Variants in PPP2R2C observed in about 807,000 individuals in gnomAD.
PPP2R2C encodes protein phosphatase 2 regulatory subunit Bgamma.
In PPP2R2C, 10 loss-of-function variants were observed where a neutral mutation model predicts 45.3. That is an observed-to-expected ratio of 0.22 (90% CI 0.14 to 0.37). The LOEUF (loss-of-function observed/expected upper bound fraction) is 0.37. Among genes scored for constraint, PPP2R2C ranks in the 10% least tolerant of loss-of-function variants. PPP2R2C has a pLI of 1.00. For missense variants in PPP2R2C, 308 were observed against 619.7 expected (o/e 0.50, Z 5.34); for synonymous variants, 257 against 245.4 (o/e 1.05, Z -0.44).
chr4:6,393,974 T>C (rs1235170976), intron 1 of PPP2R2C, among the ~76,000 whole-genome samples: 1 of 152,172 alleles, frequency 6.6e-6, no homozygotes, highest in African/African-American at 2.4e-5. Flanking sequence ...GCAGCTGGCC[T>C]TGGGACAGGG....
intron 1 of PPP2R2C, among the ~76,000 whole-genome samples, chr4:6,404,937 C>T (rs1415643180): frequency 6.6e-6 from 1 of 152,238 alleles, no homozygotes; most frequent in African/African-American, 2.4e-5. Context: ...CAAGGCACCG[C>T]ACCTCTGCCT....
rs1470011948 is a variant in PPP2R2C, at chr4:6,324,290, G to A, written c.1053-697C>T. Among the ~76,000 whole-genome samples the A allele has an allele frequency of 6.6e-6, 1 of 151,998 alleles. No homozygotes were observed. Among genetic ancestry groups the A allele is most frequent in the African/African-American group, 2.4e-5 (1 of 41,372 alleles). ...CTACTAAAAATACAAAAATTAGCTG[G>A]ACATGGTGGTGGGCACCTGTAATCC... On this transcript the variant is annotated intron_variant, in intron 8 of 8. Coordinates refer to ENST00000382599, the MANE Select transcript of PPP2R2C (RefSeq NM_020416.4). The surrounding 1 kb of genome is among the most constrained non-coding windows in gnomAD (Gnocchi z 4.1).
intron 1 of PPP2R2C, among the ~76,000 whole-genome samples, chr4:6,556,383 A>T (rs557747460): frequency 6.6e-6 from 1 of 152,264 alleles, no homozygotes; most frequent in African/African-American, 2.4e-5. Context: ...ATTGGCACTC[A>T]CACCATCGCA....
At chr4:6,376,027 TGGGGA>T in intron 3 of PPP2R2C, 96 bp from the exon 4 acceptor site, 7 of 1,044,372 alleles carry the variant, frequency 6.7e-6, no homozygotes, top group South Asian at 1.5e-5. Flanking sequence ...AGGCACCTCC[TGGGGA>T]AGGAGGGGGT....
At position 6,472,511 on chromosome 4, in the gene PPP2R2C, C is replaced by G. The variant is rs2108771620; in HGVS notation, c.-282G>C. The G allele has an allele frequency of 6.1e-6, 1 of 163,132 alleles. No individual in the cohort carries two copies. Among genetic ancestry groups the G allele is most frequent in the South Asian group, 1.9e-4 (1 of 5,144 alleles). The allele number at this position is 163,132 out of a possible 1,614,324, so 10.1% of individuals were successfully genotyped here. A position where few individuals can be genotyped will look rare whatever the true frequency, so the allele number is the denominator to read the frequency against. ...GGCCCGTGCGCGCTGCGTCCGTGCGCCCGGCGGCGGGGCCTGGTGCCGGTG... is the reference window on the plus strand; with the variant it reads ...GGCCCGTGCGCGCTGCGTCCGTGCGGCCGGCGGCGGGGCCTGGTGCCGGTG... On this transcript the variant is annotated 5_prime_UTR_variant, in exon 1 of 9. Transcript: ENST00000382599.
intron 2 of PPP2R2C, among the ~76,000 whole-genome samples, chr4:6,514,952 C>T (rs1289855405): frequency 6.6e-6 from 1 of 152,074 alleles, no homozygotes; most frequent in Non-Finnish European, 1.5e-5. Context: ...GTGGCCTTCT[C>T]CTGGTATGAC....
chr4:6,487,614 C>G (rs1340147733), intron 2 of PPP2R2C, among the ~76,000 whole-genome samples: 1 of 152,118 alleles, frequency 6.6e-6, no homozygotes, highest in African/African-American at 2.4e-5. Context: ...TTTCCCCACC[C>G]CACGCCTTTC....
intron 6 of PPP2R2C, among the ~76,000 whole-genome samples, chr4:6,346,918 G>A (rs974035345): frequency 6.6e-6 from 1 of 152,218 alleles, no homozygotes; most frequent in African/African-American, 2.4e-5. Flanking sequence ...GACAGACAGT[G>A]AGGGGAACCA....
chr4:6,349,223 C>A (rs1712303050), intron 5 of PPP2R2C: 1 of 985,324 alleles, frequency 1.0e-6, no homozygotes, highest in African/African-American at 1.7e-5. Flanking sequence ...TGGGGCTTTG[C>A]ACGGTCTGTT....
chr4:6,511,004 A>AAAAAAAAAAC (rs1723428155), intron 2 of PPP2R2C, among the ~76,000 whole-genome samples: 2 of 150,084 alleles, frequency 1.3e-5, no homozygotes, highest in African/African-American at 5.0e-5. Flanking sequence ...CAAACAAAAA[A>AAAAAAAAAAC]AAAAACAGAA....
intron 1 of PPP2R2C, among the ~76,000 whole-genome samples, chr4:6,385,460 T>C (rs1470976860): frequency 6.6e-6 from 1 of 152,188 alleles, no homozygotes; most frequent in African/African-American, 2.4e-5. Flanking sequence ...CATCTTGGAT[T>C]ATCTGACATT....
chr4:6,553,700 CTGGGTCTGTCA>C (rs1189183207), intron 1 of PPP2R2C, among the ~76,000 whole-genome samples: 1 of 152,242 alleles, frequency 6.6e-6, no homozygotes, highest in Non-Finnish European at 1.5e-5. Context: ...CACCCATGAT[CTGGGTCTGTCA>C]TGCTCCCATC....
At chr4:6,526,450 G>T (rs992534130) in intron 2 of PPP2R2C, among the ~76,000 whole-genome samples, 1 of 152,224 alleles carries the variant, frequency 6.6e-6, no homozygotes, top group Non-Finnish European at 1.5e-5. Flanking sequence ...TTGGGGTGAT[G>T]AAAATGTTCT....
chr4:6,419,829 A>G (rs749196573), intron 1 of PPP2R2C, among the ~76,000 whole-genome samples: 3 of 151,364 alleles, frequency 2.0e-5, no homozygotes, highest in Non-Finnish European at 4.4e-5. Context: ...AATCACCCCA[A>G]TCTCTGCCTC....
chr4:6,366,359 G>A (rs1017756459), intron 5 of PPP2R2C, among the ~76,000 whole-genome samples: 2 of 152,144 alleles, frequency 1.3e-5, no homozygotes, highest in Non-Finnish European at 2.9e-5. Context: ...CAGGCGCCCA[G>A]ATCAAAAAGG....
chr4:6,506,088 A>C (rs1256494945), intron 2 of PPP2R2C, among the ~76,000 whole-genome samples: 1 of 152,224 alleles, frequency 6.6e-6, no homozygotes, highest in East Asian at 1.9e-4. Context: ...ACAAGAGTAC[A>C]CACCACATGA....
At position 6,323,613 on chromosome 4, in the gene PPP2R2C, C is replaced by T; in HGVS notation, c.1053-20G>A. The T allele has an allele frequency of 4.6e-6, 7 of 1,531,770 alleles. No homozygotes were observed. Among genetic ancestry groups the T allele is most frequent in the Non-Finnish European group, 6.2e-6 (7 of 1,134,096 alleles). 94.9% of individuals were successfully genotyped at this position (1,531,770 alleles called of 1,614,324 possible). A position where few individuals can be genotyped will look rare whatever the true frequency, so the allele number is the denominator to read the frequency against. ...ATGACGCTGGTGGGAGAAGGAGAGG[C>T]ATCAGGTGAGGAGGAGCACAAGCCC... On this transcript the variant is annotated intron_variant, in intron 8 of 8. Transcript: ENST00000382599.
intron 1 of PPP2R2C, among the ~76,000 whole-genome samples, chr4:6,390,707 T>A (rs1236553365): frequency 6.6e-6 from 1 of 152,144 alleles, no homozygotes; most frequent in Non-Finnish European, 1.5e-5. Context: ...ATATCCCTGA[T>A]GGGATTTTAT....
chr4:6,381,115 C>A, intron 1 of PPP2R2C, 21 bp from the exon 2 acceptor site: 1 of 1,559,696 alleles, frequency 6.4e-7, no homozygotes, highest in Non-Finnish European at 8.7e-7. Context: ...AACAGCAAGA[C>A]GGGAAGGGGT....
Sources: allele counts gnomAD v4.1 joint callset (sites outside exome capture counted in the v4.1 genomes callset), GRCh38; gene constraint gnomAD v4.1.1; non-coding constraint Gnocchi (gnomAD v3.1); transcripts MANE v1.5; gene names NCBI Gene and HGNC (gene_info 2026-07-23, HGNC 2026-07-21).